Variants in HNF4A observed in about 807,000 individuals in gnomAD.
HNF4A encodes the protein hepatocyte nuclear factor 4 alpha.
A neutral mutation model predicts 52.4 loss-of-function variants in HNF4A; 15 were observed. That is an observed-to-expected ratio of 0.29 (90% CI 0.19 to 0.44). The LOEUF is 0.44. Among genes scored for constraint, HNF4A ranks in the 20% least tolerant of loss-of-function variants. The probability of loss-of-function intolerance (pLI) is 1.00; values close to 1 mark genes in which losing one functional copy is unlikely to be tolerated. For synonymous variants in HNF4A, 280 were observed against 264.4 expected (o/e 1.06, Z -0.57); for missense variants, 479 against 647.2 (o/e 0.74, Z 2.82).
At chr20:44,368,787 G>A (rs1319807448) in intron 1 of HNF4A, among the ~76,000 whole-genome samples, 2 of 152,158 alleles carry the variant, frequency 1.3e-5, no homozygotes, top group Non-Finnish European at 2.9e-5. Flanking sequence ...GTGAGTAATA[G>A]CCATAATAGT....
At chr20:44,390,607 C>G in intron 1 of HNF4A, 1 of 702,444 alleles carries the variant, frequency 1.4e-6, no homozygotes, top group South Asian at 1.5e-5. Context: ...AGAGGTTGTG[C>G]ACTGTGCGGG....
intron 1 of HNF4A, among the ~76,000 whole-genome samples, chr20:44,382,308 G>A (rs1388237745): frequency 6.7e-6 from 1 of 149,518 alleles, no homozygotes; most frequent in African/African-American, 2.5e-5. Context: ...GCGAGATCTC[G>A]GCTCACTGCA....
At chr20:44,405,192 A>T (rs1032894893) in intron 1 of HNF4A, among the ~76,000 whole-genome samples, 1 of 152,092 alleles carries the variant, frequency 6.6e-6, no homozygotes, top group Non-Finnish European at 1.5e-5. Flanking sequence ...TCTTCTTCAA[A>T]GGGGTCTATC....
chr20:44,404,265 C>G (rs946497855), intron 1 of HNF4A, among the ~76,000 whole-genome samples: 7 of 152,174 alleles, frequency 4.6e-5, no homozygotes, highest in African/African-American at 1.7e-4. Flanking sequence ...TCACGTTCCC[C>G]ATTTTACAAG....
rs571529867 is a variant in HNF4A, at chr20:44,427,277, C to T, written c.1130-1058C>T. ...CATGGGGTTATTATGAATCAGGTGTCATTGAGATCAGGATCAGGAGCCTGT... is the reference window on the plus strand; with the variant it reads ...CATGGGGTTATTATGAATCAGGTGTTATTGAGATCAGGATCAGGAGCCTGT... On this transcript the variant is annotated intron_variant, in intron 8 of 9. Coordinates refer to ENST00000316099, the MANE Select transcript of HNF4A (RefSeq NM_000457.6). 5.3e-5 allele frequency among the ~76,000 whole-genome samples: 8 copies of T among 152,260 alleles called. 1 individual carries two copies. Among genetic ancestry groups the T allele is most frequent in the Admixed American group, 5.2e-4 (8 of 15,288 alleles).
At chr20:44,424,309 G>C (rs1185274361) in intron 8 of HNF4A, 55 bp downstream of exon 8, 2 of 1,604,190 alleles carry the variant, frequency 1.2e-6, no homozygotes, top group African/African-American at 1.3e-5. Context: ...CCAGGAGACA[G>C]GCCTCACACA....
downstream of HNF4A, chr20:44,434,013 T>G (rs1265452298): frequency 6.6e-6 from 1 of 152,250 alleles, no homozygotes; most frequent in Non-Finnish European, 1.5e-5. Context: ...TTGTTAACAT[T>G]CACCAGCACA....
chr20:44,390,574 A>G (rs1437550288), intron 1 of HNF4A: 1 of 702,016 alleles, frequency 1.4e-6, no homozygotes, highest in South Asian at 1.5e-5. Context: ...GAGAGGGGCC[A>G]GCAGGAGCTC....
At chr20:44,408,492 A>G (rs2063534697) in intron 3 of HNF4A, among the ~76,000 whole-genome samples, 1 of 152,218 alleles carries the variant, frequency 6.6e-6, no homozygotes, top group Non-Finnish European at 1.5e-5. Context: ...TGGGAGGCCG[A>G]GGCAGGCAAA....
intron 1 of HNF4A, among the ~76,000 whole-genome samples, chr20:44,405,362 T>C (rs1387153479): frequency 6.6e-6 from 1 of 151,986 alleles, no homozygotes; most frequent in Non-Finnish European, 1.5e-5. Flanking sequence ...CCAGAAGAAA[T>C]TGAAGCAGGG....
At chr20:44,404,805 TGG>T (rs1470636956) in intron 1 of HNF4A, among the ~76,000 whole-genome samples, 2 of 16 alleles carry the variant, frequency 0.12, no homozygotes, top group African/African-American at 0.25. Context: ...GTGTGGTGTG[TGG>T]ACTGTGTGGT....
chr20:44,405,984 A>T (rs1830890931), intron 1 of HNF4A, 74 bp from the exon 2 acceptor site: 2 of 1,423,736 alleles, frequency 1.4e-6, no homozygotes, highest in African/African-American at 1.4e-5. Context: ...CCCTGGAGAG[A>T]TCCCCGCAAG....
intron 1 of HNF4A, chr20:44,391,889 T>C (rs554731206): frequency 2.0e-5 from 3 of 152,336 alleles, no homozygotes; most frequent in East Asian, 3.9e-4. Context: ...AAGCAAGACT[T>C]CTCAATTTAC....
At chr20:44,384,972 C>T (rs2063201505) in intron 1 of HNF4A, among the ~76,000 whole-genome samples, 1 of 151,192 alleles carries the variant, frequency 6.6e-6, no homozygotes, top group South Asian at 2.1e-4. Context: ...AGCAGACACA[C>T]CTCTCAGGCT....
At chr20:44,355,984 C>CTTGTCTGT in intron 1 of HNF4A, 131 bp downstream of exon 1, 72 of 767,744 alleles carry the variant, frequency 9.4e-5, no homozygotes, top group Non-Finnish European at 1.4e-4. Flanking sequence ...GGCAGGAAGC[C>CTTGTCTGT]CCACGGAGGC....
chr20:44,414,393 C>A, intron 4 of HNF4A, 114 bp from the exon 5 acceptor site: 1 of 1,472,566 alleles, frequency 6.8e-7, no homozygotes, highest in East Asian at 2.3e-5. Flanking sequence ...GGAGGGCACC[C>A]ACTATCCAGC....
rs2146417574 is a variant in HNF4A at position 44,414,610 on chromosome 20, T to C, written c.596T>C (p.Val199Ala). Residue 199 changes from valine (V) to alanine (A), a missense_variant, in exon 5 of 10, where the codon GTT becomes GCT. Around this residue, in one of 3 missense-constraint regions of HNF4A, gnomAD observed 389 missense variants for 525.1 expected, o/e 0.74. Coordinates refer to ENST00000316099, the MANE Select transcript of HNF4A (RefSeq NM_000457.6). Reference sequence around the variant, plus strand: ...ATGAAGGAGCAGCTGCTGGTTCTCGTTGAGTGGGCCAAGTACATCCCAGCT... The same window carrying C: ...ATGAAGGAGCAGCTGCTGGTTCTCGCTGAGTGGGCCAAGTACATCCCAGCT... The C allele has an allele frequency of 6.2e-7, 1 of 1,613,912 alleles. No homozygotes were observed. The highest frequency in any genetic ancestry group is 8.5e-7 in the Non-Finnish European group (1 of 1,179,914).
chr20:44,401,491 G>T lies in HNF4A; in HGVS notation c.115+4G>T. 6.2e-7 allele frequency: 1 copy of T among 1,614,228 alleles called. No homozygotes were observed. The highest frequency in any genetic ancestry group is 8.5e-7 in the Non-Finnish European group (1 of 1,180,038). The stretch of plus-strand genomic sequence containing the variant: ...CAGGTGTTGACGATGGGCAATGGTA[G>T]GTGGGGGCAGATGTGCCCAGGTGTG... On this transcript the variant is annotated splice_donor_region_variant and intron_variant, in intron 1 of 9. Coordinates refer to ENST00000316099, the MANE Select transcript of HNF4A (RefSeq NM_000457.6).
At chr20:44,384,207 A>G (rs1194872897) in intron 1 of HNF4A, among the ~76,000 whole-genome samples, 1 of 141,062 alleles carries the variant, frequency 7.1e-6, no homozygotes, top group East Asian at 2.2e-4. Context: ...AAAGGTCCAG[A>G]GGCTTTGAAA....
Sources: allele counts gnomAD v4.1 joint callset (sites outside exome capture counted in the v4.1 genomes callset), GRCh38; gene constraint gnomAD v4.1.1; regional missense constraint gnomAD v4.1.1; transcripts MANE v1.5; gene names NCBI Gene and HGNC (gene_info 2026-07-23, HGNC 2026-07-21).